Variants in TENM1 observed in about 807,000 individuals in gnomAD.
The protein encoded by TENM1 is teneurin transmembrane protein 1.
A neutral mutation model predicts 174.8 loss-of-function variants in TENM1; 35 were observed. That is an observed-to-expected ratio of 0.20 (90% confidence interval 0.15 to 0.27). The LOEUF (loss-of-function observed/expected upper bound fraction) is 0.27. Ranked by LOEUF, TENM1 falls within the 10% of genes least tolerant of loss-of-function variation. The probability of loss-of-function intolerance (pLI) is 1.00; values close to 1 mark genes in which losing one functional copy is unlikely to be tolerated. For missense variants in TENM1, 1,633 were observed against 2,130.1 expected (o/e 0.77, Z 4.59); for synonymous variants, 781 against 798.7 (o/e 0.98, Z 0.37).
chrX:124,866,970 C>T (rs948337546), intron 3 of TENM1, among the ~76,000 whole-genome samples: 1 of 110,836 alleles, frequency 9.0e-6, no homozygotes, highest in African/African-American at 3.3e-5. Context: ...CCTAAACAGA[C>T]CAATAATGAA....
chrX:124,974,202 A>G, the TENM1 span, among the ~76,000 whole-genome samples: 15,996 of 111,398 alleles, frequency 0.14, 1,123 homozygotes, highest in Non-Finnish European at 0.21. Flanking sequence ...ACCCACGCTC[A>G]TCATAATGGC....
chrX:124,681,443 G>A (rs1311641031), intron 5 of TENM1, among the ~76,000 whole-genome samples: 2 of 111,605 alleles, frequency 1.8e-5, no homozygotes, highest in Non-Finnish European at 3.8e-5. Flanking sequence ...ATTCAAATGG[G>A]GTTGATTCAT....
At chrX:124,577,728 T>C (rs1362980481) in intron 11 of TENM1, among the ~76,000 whole-genome samples, 3 of 111,714 alleles carry the variant, frequency 2.7e-5, no homozygotes, top group Non-Finnish European at 5.6e-5. Context: ...CAATGTACTG[T>C]AGGAAAGCTA....
intron 3 of TENM1, among the ~76,000 whole-genome samples, chrX:124,753,235 A>G (rs1468893585): frequency 9.0e-6 from 1 of 110,502 alleles, no homozygotes; most frequent in Non-Finnish European, 1.9e-5. Context: ...TAGGTATTTT[A>G]TTCTTTTTGA....
chrX:124,617,099 T>C (rs989770063), intron 11 of TENM1, among the ~76,000 whole-genome samples: 5 of 112,043 alleles, frequency 4.5e-5, no homozygotes, highest in Admixed American at 1.9e-4. Flanking sequence ...TAAAATTTCT[T>C]GTTGGCGGTA....
intron 11 of TENM1, among the ~76,000 whole-genome samples, chrX:124,640,012 C>T (rs757121728): frequency 2.7e-5 from 3 of 110,373 alleles, no homozygotes; most frequent in South Asian, 7.8e-4. Context: ...ACTACTATAA[C>T]CCTAGCATCA....
the TENM1 span, among the ~76,000 whole-genome samples, chrX:125,020,452 G>A: frequency 9.2e-6 from 1 of 109,285 alleles, no homozygotes; most frequent in Admixed American, 9.8e-5. Context: ...CAGGCCTGAT[G>A]TTAATGGGCT....
At chrX:125,159,116 A>G in the TENM1 span, among the ~76,000 whole-genome samples, 2 of 111,663 alleles carry the variant, frequency 1.8e-5, no homozygotes, top group Non-Finnish European at 3.8e-5. Context: ...GAAATTGGGT[A>G]CTATAGCCCA....
the TENM1 span, among the ~76,000 whole-genome samples, chrX:125,107,537 A>G: frequency 8.9e-6 from 1 of 112,019 alleles, no homozygotes; most frequent in Non-Finnish European, 1.9e-5. Flanking sequence ...CATTGCTCCC[A>G]ATGTATAGCT....
intron 3 of TENM1, among the ~76,000 whole-genome samples, chrX:124,846,530 C>G (rs1349891808): frequency 9.0e-6 from 1 of 111,303 alleles, no homozygotes; most frequent in Non-Finnish European, 1.9e-5. Flanking sequence ...AATTTTCAAT[C>G]ACAGTTATCA....
At chrX:125,118,903 A>G in the TENM1 span, among the ~76,000 whole-genome samples, 4 of 111,693 alleles carry the variant, frequency 3.6e-5, no homozygotes, top group East Asian at 2.8e-4. Context: ...GACAGAAAGT[A>G]TATCAGTGAT....
chrX:124,889,253 C>A (rs1026139662), intron 3 of TENM1, among the ~76,000 whole-genome samples: 1 of 111,203 alleles, frequency 9.0e-6, no homozygotes, highest in Non-Finnish European at 1.9e-5. Flanking sequence ...TATTACTGAC[C>A]TTACCCCTCA....
At chrX:124,533,577 C>T (rs749590415) in intron 15 of TENM1, among the ~76,000 whole-genome samples, 16 of 111,477 alleles carry the variant, frequency 1.4e-4, no homozygotes, top group African/African-American at 4.6e-4. Flanking sequence ...TGGTCTGCCT[C>T]GAGGAAGCAT....
At chrX:124,913,543 C>CACAT (rs957750827) in intron 1 of TENM1, among the ~76,000 whole-genome samples, 1 of 111,709 alleles carries the variant, frequency 9.0e-6, no homozygotes, top group African/African-American at 3.3e-5. Flanking sequence ...TAGGTCTATA[C>CACAT]ATATATACAC....
At chrX:124,576,880 A>G (rs375402665) in intron 11 of TENM1, among the ~76,000 whole-genome samples, 183 of 111,512 alleles carry the variant, frequency 1.6e-3, no homozygotes, top group African/African-American at 5.8e-3. Context: ...CCCTTAATGC[A>G]CATCTAAATT....
chrX:125,129,365 C>T, the TENM1 span, among the ~76,000 whole-genome samples: 3 of 111,533 alleles, frequency 2.7e-5, no homozygotes, highest in South Asian at 3.7e-4. Flanking sequence ...TTTTGGGTTA[C>T]GTGAGATATT....
chrX:124,428,106 C>G (rs1398874460), intron 23 of TENM1, among the ~76,000 whole-genome samples: 1 of 112,057 alleles, frequency 8.9e-6, no homozygotes, highest in Non-Finnish European at 1.9e-5. Flanking sequence ...TGCATTTAAG[C>G]TAAACTAGCA....
At chrX:124,762,119 C>T (rs766856743) in intron 3 of TENM1, among the ~76,000 whole-genome samples, 2 of 111,936 alleles carry the variant, frequency 1.8e-5, no homozygotes, top group South Asian at 3.7e-4. Flanking sequence ...GCTGCTTCCT[C>T]GTTGTGTTCT....
intron 3 of TENM1, among the ~76,000 whole-genome samples, chrX:124,881,722 GTTGTT>G (rs1333145963): frequency 2.8e-5 from 3 of 105,269 alleles, no homozygotes; most frequent in Non-Finnish European, 3.9e-5. Flanking sequence ...TGTTGTTGTT[GTTGTT>G]TTGTTTTGTT....
Sources: gnomAD v4.1 joint callset for allele counts (sites outside exome capture counted in the v4.1 genomes callset) on GRCh38, gnomAD v4.1.1 for gene constraint, MANE v1.5 for transcripts, NCBI Gene and HGNC (gene_info 2026-07-23, HGNC 2026-07-21) for gene names.